Variants in ARL15 observed in about 807,000 individuals in gnomAD.
ARL15 encodes the protein ARF like GTPase 15, also known as ADP-ribosylation factor-like protein 15.
Under a neutral mutation model 25.2 loss-of-function variants are expected in ARL15, and 19 were observed. The ratio of observed to expected loss-of-function variants is 0.75; its 90% CI spans 0.53 to 1.10. The LOEUF (loss-of-function observed/expected upper bound fraction) is 1.10. Among genes scored for constraint, ARL15 ranks in the 50% least tolerant of loss-of-function variants. The pLI, the probability that ARL15 is intolerant of heterozygous loss-of-function variation, is 0.00. For synonymous variants in ARL15, 94 were observed against 86.8 expected, an observed-to-expected ratio of 1.08 and a Z score of -0.46; for missense variants, 220 against 246.0, an observed-to-expected ratio of 0.89 and a Z score of 0.71.
At chr5:54,184,439 TAAAAAAAAAAA>T (rs527755025) in intron 1 of ARL15, among the ~76,000 whole-genome samples, 23 of 69,110 alleles carry the variant, frequency 3.3e-4, no homozygotes, top group Non-Finnish European at 4.5e-4. Flanking sequence ...ACACTGTCTT[TAAAAAAAAAAA>T]AAAAAAAAAA....
At chr5:53,929,306 A>T (rs1444335415) in intron 4 of ARL15, among the ~76,000 whole-genome samples, 1 of 152,216 alleles carries the variant, frequency 6.6e-6, no homozygotes, top group African/African-American at 2.4e-5. Flanking sequence ...TGCCCTAAAA[A>T]GTCAAGAGTT....
chr5:54,154,277 C>A (rs157073), intron 3 of ARL15: 47,330 of 228,668 alleles, frequency 0.21, 6,242 homozygotes, highest in East Asian at 0.66. Flanking sequence ...TATTAAAATT[C>A]TCTTCATATG....
intron 4 of ARL15, among the ~76,000 whole-genome samples, chr5:53,985,189 T>C (rs183614235): frequency 1.3e-5 from 2 of 152,196 alleles, no homozygotes; most frequent in Admixed American, 1.3e-4. Flanking sequence ...ACTCCCCTCC[T>C]CCAAGAACAG....
At position 53,886,143 on chromosome 5, in the gene ARL15, G is replaced by A. The variant is rs900563213; in HGVS notation, c.*418C>T. 1 of 151,724 alleles carries A rather than the reference G, an allele frequency of 6.6e-6. No individual in the cohort carries two copies. Among genetic ancestry groups the A allele is most frequent in the African/African-American group, 2.4e-5 (1 of 41,196 alleles). The allele number at this position is 151,724 out of a possible 1,614,324, so 9.4% of individuals were successfully genotyped here. ...GTCTTGAAAATAATATAAATATTTT[G>A]TGGAGTCCCAGTCACATAATACTCC... On this transcript the variant is annotated 3_prime_UTR_variant, in exon 5 of 5. Coordinates refer to ENST00000504924, the MANE Select transcript of ARL15 (RefSeq NM_019087.3).
At chr5:54,154,794 T>A (rs763190836) in intron 2 of ARL15, among the ~76,000 whole-genome samples, 155 bp from the exon 3 acceptor site, 1 of 152,188 alleles carries the variant, frequency 6.6e-6, no homozygotes, top group Non-Finnish European at 1.5e-5. Context: ...CAAGGTAAAC[T>A]GATAACTGAA....
At chr5:53,954,933 C>T (rs1747095861) in intron 4 of ARL15, among the ~76,000 whole-genome samples, 2 of 152,078 alleles carry the variant, frequency 1.3e-5, no homozygotes. Context: ...CATACTCCAA[C>T]ATCACTTTCT....
At chr5:54,219,016 A>C (rs1473697476) in intron 1 of ARL15, among the ~76,000 whole-genome samples, 1 of 151,948 alleles carries the variant, frequency 6.6e-6, no homozygotes, top group Non-Finnish European at 1.5e-5. Flanking sequence ...GTAATCTGAA[A>C]ACAGGTTACA....
At chr5:53,959,223 ATT>A (rs1003921232) in intron 4 of ARL15, among the ~76,000 whole-genome samples, 1 of 152,232 alleles carries the variant, frequency 6.6e-6, no homozygotes, top group Non-Finnish European at 1.5e-5. Flanking sequence ...TTTTAAAAAA[ATT>A]TTGTTTCATT....
intron 4 of ARL15, among the ~76,000 whole-genome samples, chr5:53,988,138 T>C (rs1435061072): frequency 6.7e-6 from 1 of 149,870 alleles, no homozygotes; most frequent in Non-Finnish European, 1.5e-5. Context: ...ATGATAATAA[T>C]AATAATAATA....
At chr5:54,210,866 A>G (rs911460249) in intron 1 of ARL15, among the ~76,000 whole-genome samples, 1 of 152,186 alleles carries the variant, frequency 6.6e-6, no homozygotes, top group African/African-American at 2.4e-5. Flanking sequence ...TTGACAAACA[A>G]CTCATGGTTA....
chr5:54,095,510 T>G (rs1168685306), intron 4 of ARL15, among the ~76,000 whole-genome samples: 1 of 152,140 alleles, frequency 6.6e-6, no homozygotes, highest in Non-Finnish European at 1.5e-5. Flanking sequence ...TAAAGGCTGG[T>G]TACAACCAGG....
intron 3 of ARL15, among the ~76,000 whole-genome samples, chr5:54,139,709 G>A (rs1398291005): frequency 6.6e-6 from 1 of 152,158 alleles, no homozygotes; most frequent in Admixed American, 6.5e-5. Flanking sequence ...ATATCCACTT[G>A]TAGTGTCAGC....
intron 4 of ARL15, among the ~76,000 whole-genome samples, chr5:53,956,826 G>A (rs972337597): frequency 6.6e-6 from 1 of 152,078 alleles, no homozygotes; most frequent in Non-Finnish European, 1.5e-5. Context: ...GCTCACTAGA[G>A]GGTTTTAATA....
Position 53,939,753 on chromosome 5 carries a change from TAAAG to T in ARL15, c.463-53044_463-53041del, listed in dbSNP as rs1198965115. Among the ~76,000 whole-genome samples the T allele has an allele frequency of 2.6e-5, 4 of 151,516 alleles. No individual in the cohort carries two copies. The East Asian group carries it at 7.8e-4, about 30-fold the overall frequency. ...CGTCTCAAAAAAAAATAAAATAAAA[TAAAG>T]AAAGAAAGAAAAAGAAAGTTAGCTG... On this transcript the variant is annotated intron_variant, in intron 4 of 4. Transcript: ENST00000504924.
chr5:54,143,381 T>C (rs1753821548), intron 3 of ARL15, among the ~76,000 whole-genome samples: 1 of 152,018 alleles, frequency 6.6e-6, no homozygotes, highest in East Asian at 1.9e-4. Context: ...TGAATTCTAT[T>C]TCATCTCATA....
chr5:54,246,800 A>G (rs960598393), intron 1 of ARL15, among the ~76,000 whole-genome samples: 1 of 4,376 alleles, frequency 2.3e-4, no homozygotes, highest in South Asian at 4.2e-3. Flanking sequence ...GCATGCATAC[A>G]CACACACACA....
Position 54,160,991 on chromosome 5 carries a change from A to G in ARL15, c.194-6352T>C, listed in dbSNP as rs1009095458. On this transcript the variant is annotated intron_variant, in intron 2 of 4. Coordinates refer to ENST00000504924, the MANE Select transcript of ARL15 (RefSeq NM_019087.3). The stretch of plus-strand genomic sequence containing the variant: ...TTTTACCCATAATTCAATCACATCA[A>G]TAAAGTACACTGTTATTCTTATAGT... Among the ~76,000 whole-genome samples, 6 of 152,162 alleles carry G rather than the reference A, an allele frequency of 3.9e-5. No individual in the cohort carries two copies. The East Asian group carries it at 9.6e-4, about 24-fold the overall frequency.
Position 53,886,641 on chromosome 5 carries a change from C to T in ARL15, c.535G>A (p.Asp179Asn), listed in dbSNP as rs1372323929. 1.3e-6 allele frequency: 2 copies of T among 1,574,058 alleles called. No homozygotes were observed. Among genetic ancestry groups the T allele is most frequent in the African/African-American group, 1.3e-5 (1 of 74,156 alleles). Residue 179 changes from aspartate to asparagine, a missense_variant, in exon 5 of 5, where the codon GAC becomes AAC. Transcript: ENST00000504924. The stretch of plus-strand genomic sequence containing the variant: ...AAGCTGTCTTTCAGTGCATCCATGT[C>T]ATCCAGTGAGCAGGGCTGTAGAATC... ...RWILQPCSLD[D>N]MDALKDSFSQ... is the part of the protein sequence containing the mutation.
intron 3 of ARL15, among the ~76,000 whole-genome samples, chr5:54,116,967 T>C (rs1752918409): frequency 6.6e-6 from 1 of 152,162 alleles, no homozygotes; most frequent in Admixed American, 6.5e-5. Context: ...AATGCCCACA[T>C]ACATTAATGG....
Sources: gnomAD v4.1 joint callset for allele counts (sites outside exome capture counted in the v4.1 genomes callset) on GRCh38, gnomAD v4.1.1 for gene constraint, MANE v1.5 for transcripts, NCBI Gene and HGNC (gene_info 2026-07-23, HGNC 2026-07-21) for gene names.